The following FBLN2 variants were observed in gnomAD, a reference collection of about 807,000 sequenced individuals.
FBLN2 encodes the protein fibulin-2.
In FBLN2, 81 loss-of-function variants were observed where a neutral mutation model predicts 123.7. The observed-to-expected ratio is 0.65, with a 90% confidence interval of 0.55 to 0.79. FBLN2 has a LOEUF of 0.79. FBLN2 is among the 30% of genes least tolerant of loss of function. The pLI, the probability that FBLN2 is intolerant of heterozygous loss-of-function variation, is 0.00. For synonymous variants in FBLN2, 699 were observed against 701.4 expected, an observed-to-expected ratio of 1.00 and a Z score of 0.05; for missense variants, 1,603 against 1,681.3, an observed-to-expected ratio of 0.95 and a Z score of 0.81.
intron 2 of FBLN2, among the ~76,000 whole-genome samples, chr3:13,600,097 G>A (rs1574972432): frequency 3.9e-5 from 1 of 25,838 alleles, no homozygotes; most frequent in Non-Finnish European, 6.6e-5. Context: ...GGCAGGGGCT[G>A]GGGACCTGTG....
At chr3:13,573,949 A>AAGG (rs1452616977) in intron 2 of FBLN2, among the ~76,000 whole-genome samples, 130 of 151,380 alleles carry the variant, frequency 8.6e-4, no homozygotes, top group African/African-American at 3.1e-3. Context: ...AGAGCTGAAG[A>AAGG]AGGCAGAAGA....
chr3:13,636,492 A>G lies in FBLN2; in HGVS notation c.3262A>G (p.Thr1088Ala). 6.3e-7 allele frequency: 1 copy of G among 1,599,848 alleles called. No homozygotes were observed. Among genetic ancestry groups the G allele is most frequent in the Non-Finnish European group, 8.5e-7 (1 of 1,174,220 alleles). ...TACCCACAACTGTTCCGAGGCTGAG[A>G]CCTGCCACAACATCCAGGGTAGCTT... ...LGTHNCSEAETCHNIQGSFRC... is the reference protein window; with the variant it reads ...LGTHNCSEAEACHNIQGSFRC... Residue 1088 changes from threonine to alanine, a missense_variant, in exon 17 of 18, where the codon ACC (threonine) becomes GCC (alanine). By Grantham distance (58) the Thr-to-Ala change is moderately conservative (BLOSUM62 0). Coordinates refer to ENST00000404922, the MANE Select transcript of FBLN2 (RefSeq NM_001004019.2).
intron 2 of FBLN2, among the ~76,000 whole-genome samples, chr3:13,597,421 A>G (rs770247342): frequency 6.6e-6 from 1 of 152,178 alleles, no homozygotes; most frequent in Non-Finnish European, 1.5e-5. Flanking sequence ...GCAGTCAGCA[A>G]GAGTTCCCTC....
intron 2 of FBLN2, among the ~76,000 whole-genome samples, chr3:13,606,952 T>TG (rs1485532642): frequency 3.4e-5 from 5 of 147,284 alleles, no homozygotes; most frequent in Admixed American, 6.8e-5. Context: ...CGTGCCCGGC[T>TG]GACTATATTC....
intron 16 of FBLN2, 89 bp downstream of exon 16, chr3:13,631,546 C>T: frequency 7.0e-7 from 1 of 1,421,580 alleles, no homozygotes; most frequent in South Asian, 1.4e-5. Context: ...AGCTTGCGTG[C>T]ACTTGGAGCC....
At chr3:13,551,362 C>T (rs945823611) in intron 1 of FBLN2, among the ~76,000 whole-genome samples, 12 of 152,260 alleles carry the variant, frequency 7.9e-5, no homozygotes, top group African/African-American at 2.2e-4. Context: ...ATGGGGACCC[C>T]GTGAAGCAAG....
chr3:13,614,935 T>C (rs1456292256), intron 5 of FBLN2, among the ~76,000 whole-genome samples: 2 of 149,460 alleles, frequency 1.3e-5, no homozygotes, highest in African/African-American at 5.0e-5. Context: ...CATCCATCCA[T>C]CCATCCACCC....
intron 8 of FBLN2, among the ~76,000 whole-genome samples, chr3:13,620,552 G>C (rs1705815976): frequency 1.3e-5 from 2 of 152,184 alleles, no homozygotes; most frequent in Admixed American, 6.5e-5. Flanking sequence ...GCCTCTGTGG[G>C]CCAGGACCCC....
chr3:13,582,596 G>A (rs887540393), intron 2 of FBLN2, among the ~76,000 whole-genome samples: 14 of 152,236 alleles, frequency 9.2e-5, no homozygotes, highest in African/African-American at 3.4e-4. Flanking sequence ...GATTGAGCCT[G>A]CTTTGGCCCT....
rs757605729 is a variant in FBLN2, at chr3:13,570,508, G to A, written c.153G>A (p.Pro51=). 2.4e-5 allele frequency: 38 copies of A among 1,585,960 alleles called. No individual in the cohort carries two copies. The highest frequency in any genetic ancestry group is 3.5e-5 in the South Asian group (3 of 86,898). Residue 51 remains proline, a synonymous_variant, in exon 2 of 18, where the codon CCG becomes CCA. Coordinates refer to ENST00000404922, the MANE Select transcript of FBLN2 (RefSeq NM_001004019.2). ...LENCIEEALE[P]GACCATCVQQ... ...ACTGCATTGAGGAGGCGCTGGAGCCGGGTGCCTGCTGTGCCACGTGTGTGC... is the reference window on the plus strand; with the variant it reads ...ACTGCATTGAGGAGGCGCTGGAGCCAGGTGCCTGCTGTGCCACGTGTGTGC...
chr3:13,549,898 C>A (rs1259084712), intron 1 of FBLN2, among the ~76,000 whole-genome samples: 3 of 152,180 alleles, frequency 2.0e-5, no homozygotes, highest in South Asian at 2.1e-4. Flanking sequence ...CATTGGCACC[C>A]CTCCGAGGCA....
At chr3:13,616,120 T>G (rs142468292) in intron 5 of FBLN2, among the ~76,000 whole-genome samples, 1 of 152,154 alleles carries the variant, frequency 6.6e-6, no homozygotes, top group East Asian at 1.9e-4. Flanking sequence ...AGAACAGATG[T>G]ACCAACCACC....
Position 13,631,313 on chromosome 3 carries a change from A to C in FBLN2, c.3086-16A>C. On this transcript the variant is annotated splice_polypyrimidine_tract_variant and intron_variant, in intron 15 of 17. Transcript: ENST00000404922. ...GGTGGACGAGGTTCACCAGGGGCTGAACCTCTCTCTGACAGACATCGACGA... is the reference window on the plus strand; with the variant it reads ...GGTGGACGAGGTTCACCAGGGGCTGCACCTCTCTCTGACAGACATCGACGA... The C allele has an allele frequency of 6.3e-7, 1 of 1,599,048 alleles. No individual in the cohort carries two copies. The highest frequency in any genetic ancestry group is 8.5e-7 in the Non-Finnish European group (1 of 1,173,520).
intron 5 of FBLN2, among the ~76,000 whole-genome samples, chr3:13,617,165 TC>T (rs1173116571): frequency 6.6e-5 from 10 of 151,422 alleles, no homozygotes; most frequent in Non-Finnish European, 1.5e-4. Flanking sequence ...CATCCATCCA[TC>T]CATCCATCCA....
intron 1 of FBLN2, among the ~76,000 whole-genome samples, chr3:13,550,983 A>G (rs1049837238): frequency 4.6e-5 from 7 of 152,146 alleles, no homozygotes; most frequent in African/African-American, 9.7e-5. Context: ...GAAAAGTCAC[A>G]AGGTCTGGTA....
Position 13,571,159 on chromosome 3 carries a change from C to A in FBLN2, c.804C>A (p.Ala268=), listed in dbSNP as rs760107209. ...AALGPPAPVQ[A]KARRVTEDSE... ...TGGGTCCCCCAGCCCCAGTGCAGGCCAAAGCTAGGAGAGTGACCGAGGACA... is the reference window on the plus strand; with the variant it reads ...TGGGTCCCCCAGCCCCAGTGCAGGCAAAAGCTAGGAGAGTGACCGAGGACA... Residue 268 remains alanine (A), a synonymous_variant, in exon 2 of 18, where the codon GCC becomes GCA. Transcript: ENST00000404922. 1.3e-6 allele frequency: 2 copies of A among 1,559,056 alleles called. No individual in the cohort carries two copies. The highest frequency in any genetic ancestry group is 2.4e-5 in the South Asian group (2 of 84,650).
At chr3:13,563,287 A>G (rs1026061473) in intron 1 of FBLN2, among the ~76,000 whole-genome samples, 1 of 152,120 alleles carries the variant, frequency 6.6e-6, no homozygotes, top group Non-Finnish European at 1.5e-5. Flanking sequence ...TCTCACCTGG[A>G]GGTGCACATG....
chr3:13,570,685 G>A lies in FBLN2; in HGVS notation c.330G>A (p.Gln110=), dbSNP rs369219824. The part of the protein sequence containing the change: ...CPPGGGKISC[Q]FMLCPELPPN... ...CAGGCGGCGGCAAGATCAGCTGCCAGTTCATGCTGTGCCCGGAGCTGCCGC... is the reference window on the plus strand; with the variant it reads ...CAGGCGGCGGCAAGATCAGCTGCCAATTCATGCTGTGCCCGGAGCTGCCGC... The change falls in exon 2 of 18, where the codon CAG becomes CAA. Residue 110 remains glutamine (Q), a synonymous_variant. Coordinates refer to ENST00000404922, the MANE Select transcript of FBLN2 (RefSeq NM_001004019.2). 571 of 1,587,510 alleles carry A rather than the reference G, an allele frequency of 3.6e-4. 1 individual carries two copies. The highest frequency in any genetic ancestry group is 2.0e-3 in the Middle Eastern group (12 of 6,060).
At chr3:13,574,986 G>A (rs867845885) in intron 2 of FBLN2, among the ~76,000 whole-genome samples, 18 of 152,352 alleles carry the variant, frequency 1.2e-4, no homozygotes, top group Middle Eastern at 6.8e-3. Flanking sequence ...CGAGGGCGAG[G>A]TTGCGTCTGC....
Sources: gnomAD v4.1 joint callset for allele counts (sites outside exome capture counted in the v4.1 genomes callset) on GRCh38, gnomAD v4.1.1 for gene constraint, MANE v1.5 for transcripts, NCBI Gene and HGNC (gene_info 2026-07-23, HGNC 2026-07-21) for gene names.